The following LHX4 variants were observed in gnomAD, a reference collection of about 807,000 sequenced individuals.
The protein encoded by LHX4 is LIM/homeobox protein Lhx4.
A neutral mutation model predicts 39.2 loss-of-function variants in LHX4; 16 were observed. The observed-to-expected ratio is 0.41, with a 90% CI of 0.28 to 0.62. The LOEUF (loss-of-function observed/expected upper bound fraction) is 0.62, where lower values mean the gene tolerates loss of function less well. Among genes scored for constraint, LHX4 ranks in the 20% least tolerant of loss-of-function variants. The pLI is 0.33. For missense variants in LHX4, 439 were observed against 511.9 expected, an observed-to-expected ratio of 0.86 and a Z score of 1.37; for synonymous variants, 206 against 198.1, an observed-to-expected ratio of 1.04 and a Z score of -0.33.
upstream of LHX4, among the ~76,000 whole-genome samples, chr1:180,229,619 AGAG>A (rs928859571): frequency 3.3e-5 from 5 of 152,094 alleles, no homozygotes; most frequent in South Asian, 2.1e-4. Flanking sequence ...GCCAGGGGAA[AGAG>A]GAGGAGGAAG....
upstream of LHX4, among the ~76,000 whole-genome samples, chr1:180,229,754 C>T (rs1038193819): frequency 6.6e-6 from 1 of 151,610 alleles, no homozygotes; most frequent in African/African-American, 2.4e-5. Context: ...CCGCCTGCCC[C>T]GCTCGGCCCC....
chr1:180,237,481 G>C (rs1028682367), intron 1 of LHX4, among the ~76,000 whole-genome samples: 8 of 152,150 alleles, frequency 5.3e-5, no homozygotes, highest in African/African-American at 2.4e-5. Context: ...ATTGCTTTTG[G>C]GGGTAGGTGG....
chr1:180,248,370 C>T lies in LHX4; in HGVS notation c.162C>T (p.Cys54=). The change falls in exon 2 of 6, where the codon TGC becomes TGT. Residue 54 remains cysteine, a synonymous_variant. Transcript: ENST00000263726. ...TGGACAGACACTGGCACAGCTCCTGCCTCAAGTGTGCAGACTGCCAGATGC... is the reference window on the plus strand; with the variant it reads ...TGGACAGACACTGGCACAGCTCCTGTCTCAAGTGTGCAGACTGCCAGATGC... ...KVLDRHWHSS[C]LKCADCQMQL... is the part of the protein sequence containing the mutation. 6.2e-7 allele frequency: 1 copy of T among 1,614,228 alleles called. No homozygotes were observed. The highest frequency in any genetic ancestry group is 8.5e-7 in the Non-Finnish European group (1 of 1,180,026).
chr1:180,246,282 G>A (rs779613446), intron 1 of LHX4, among the ~76,000 whole-genome samples: 22 of 152,168 alleles, frequency 1.4e-4, no homozygotes, highest in Admixed American at 3.3e-4. Context: ...AAGTACAAAC[G>A]TCTTAATAGT....
chr1:180,275,179 C>T lies in LHX4; in HGVS notation c.*600C>T, dbSNP rs992957143. Reference sequence around the variant, plus strand: ...TATTTTTGCTGTGAAGATATGAATTCTTTCCTACAAACCAGAGAATATGAA... The same window carrying T: ...TATTTTTGCTGTGAAGATATGAATTTTTTCCTACAAACCAGAGAATATGAA... On this transcript the variant is annotated 3_prime_UTR_variant, in exon 6 of 6. Transcript: ENST00000263726. 3.3e-5 allele frequency: 5 copies of T among 152,284 alleles called. No individual in the cohort carries two copies. Among genetic ancestry groups the T allele is most frequent in the Admixed American group, 2.6e-4 (4 of 15,300 alleles). 9.4% of individuals were successfully genotyped at this position (152,284 alleles called of 1,614,324 possible).
intron 2 of LHX4, among the ~76,000 whole-genome samples, chr1:180,259,390 T>C (rs1032156828): frequency 2.0e-5 from 3 of 150,012 alleles, no homozygotes; most frequent in Non-Finnish European, 4.4e-5. Context: ...AAGGGGATGG[T>C]TGCTGGGAGT....
At chr1:180,263,631 T>C (rs1181750216) in intron 2 of LHX4, among the ~76,000 whole-genome samples, 3 of 152,240 alleles carry the variant, frequency 2.0e-5, no homozygotes, top group Admixed American at 2.0e-4. Flanking sequence ...AAAACGCTGG[T>C]GGGGAAGTCC....
intron 2 of LHX4, among the ~76,000 whole-genome samples, chr1:180,263,333 ACT>A (rs769419579): frequency 3.0e-4 from 46 of 151,596 alleles, no homozygotes; most frequent in Admixed American, 1.3e-3. Context: ...CTCACCTGTG[ACT>A]CTGGCTATTC....
At position 180,278,204 on chromosome 1, in the gene LHX4, T is replaced by TAAAC. The variant is rs1649155855; in HGVS notation, c.*3627_*3630dup. ...TGGAAGGCCTGAGGAGGCTCATTTTTAAACACTGCACTTTAAAAATTGGAA... is the reference window on the plus strand; with the variant it reads ...TGGAAGGCCTGAGGAGGCTCATTTTTAAACAAACACTGCACTTTAAAAATTGGAA... On this transcript the variant is annotated 3_prime_UTR_variant, in exon 6 of 6. Coordinates refer to ENST00000263726, the MANE Select transcript of LHX4 (RefSeq NM_033343.4). 2.0e-5 allele frequency: 3 copies of TAAAC among 152,372 alleles called. No homozygotes were observed. The highest frequency in any genetic ancestry group is 2.1e-4 in the South Asian group (1 of 4,826). 9.4% of individuals were successfully genotyped at this position (152,372 alleles called of 1,614,324 possible). A position where few individuals can be genotyped will look rare whatever the true frequency, so the allele number is the denominator to read the frequency against.
chr1:180,268,085 A>G (rs1418013865), intron 3 of LHX4, among the ~76,000 whole-genome samples: 1 of 152,176 alleles, frequency 6.6e-6, no homozygotes, highest in Non-Finnish European at 1.5e-5. Context: ...GCAATGTACT[A>G]ATCTGCTCTG....
intron 1 of LHX4, among the ~76,000 whole-genome samples, chr1:180,237,114 C>A (rs1045282479): frequency 6.6e-6 from 1 of 152,084 alleles, no homozygotes; most frequent in Non-Finnish European, 1.5e-5. Context: ...TTCCCCTGTT[C>A]CCCCAATTTC....
At position 180,234,721 on chromosome 1, in the gene LHX4, G is replaced by C. The variant is rs1292847130; in HGVS notation, c.76+4116G>C. Among the ~76,000 whole-genome samples the C allele has an allele frequency of 1.3e-5, 2 of 152,252 alleles. No homozygotes were observed. The highest frequency in any genetic ancestry group is 2.9e-5 in the Non-Finnish European group (2 of 68,030). On this transcript the variant is annotated intron_variant, in intron 1 of 5. Transcript: ENST00000263726. This position sits in a 1 kb window ranked among gnomAD's most constrained non-coding sequence, Gnocchi z 4.8. Reference sequence around the variant, plus strand: ...GCAGTCCGCAGTGTCCCGGGAAGTCGTAAAGTCGGGACTGAGAAGAAGCAG... The same window carrying C: ...GCAGTCCGCAGTGTCCCGGGAAGTCCTAAAGTCGGGACTGAGAAGAAGCAG...
chr1:180,251,944 C>T (rs1647645017), intron 2 of LHX4, among the ~76,000 whole-genome samples: 1 of 152,158 alleles, frequency 6.6e-6, no homozygotes, highest in South Asian at 2.1e-4. Context: ...GAGATGAAGA[C>T]CAGGTGGCTC....
intron 2 of LHX4, among the ~76,000 whole-genome samples, chr1:180,265,160 G>A (rs942658276): frequency 1.3e-5 from 2 of 152,134 alleles, no homozygotes; most frequent in African/African-American, 4.8e-5. Flanking sequence ...TGTCCTTTCA[G>A]GGGAAATCAG....
intron 3 of LHX4, chr1:180,271,081 T>A (rs565016241): frequency 1.9e-4 from 87 of 465,970 alleles, no homozygotes; most frequent in African/African-American, 1.6e-3. Flanking sequence ...CGTGTGGAAT[T>A]GGGTACATTC....
At chr1:180,265,233 G>A (rs551660468) in intron 2 of LHX4, among the ~76,000 whole-genome samples, 3 of 152,320 alleles carry the variant, frequency 2.0e-5, no homozygotes, top group East Asian at 1.9e-4. Flanking sequence ...TCCATTAGGC[G>A]AAGTCTTTCA....
intron 1 of LHX4, among the ~76,000 whole-genome samples, chr1:180,245,334 T>C (rs3911335): frequency 0.44 from 66,794 of 152,068 alleles, 15,033 homozygotes; most frequent in Non-Finnish European, 0.48. Flanking sequence ...CATAGACTGG[T>C]GGGCTCATGT....
intron 3 of LHX4, among the ~76,000 whole-genome samples, chr1:180,267,266 A>G (rs1044589441): frequency 1.3e-5 from 2 of 152,120 alleles, no homozygotes; most frequent in African/African-American, 4.8e-5. Flanking sequence ...CTTCACCACA[A>G]CCACTGCAGG....
At chr1:180,264,126 G>A (rs770239921) in intron 2 of LHX4, among the ~76,000 whole-genome samples, 11 of 151,888 alleles carry the variant, frequency 7.2e-5, no homozygotes, top group Non-Finnish European at 1.2e-4. Context: ...CACTACACCC[G>A]GCTAATTTTT....
Sources: gnomAD v4.1 joint callset for allele counts (sites outside exome capture counted in the v4.1 genomes callset) on GRCh38, gnomAD v4.1.1 for gene constraint, Gnocchi (gnomAD v3.1) non-coding constraint, MANE v1.5 for transcripts, NCBI Gene and HGNC (gene_info 2026-07-23, HGNC 2026-07-21) for gene names.